The following FSHR variants were observed in gnomAD, a reference collection of about 807,000 sequenced individuals.
FSHR encodes follicle-stimulating hormone receptor.
FSHR carries 46 observed loss-of-function variants against 52.1 expected under a neutral mutation model. That is an observed-to-expected ratio of 0.88 (90% CI 0.70 to 1.13). The LOEUF (loss-of-function observed/expected upper bound fraction) is 1.13, where lower values mean the gene tolerates loss of function less well. Ranked by LOEUF, FSHR falls within the 50% of genes most tolerant of loss-of-function variation. The pLI is 0.00. For synonymous variants in FSHR, 399 were observed against 309.6 expected, an observed-to-expected ratio of 1.29 and a Z score of -3.03; for missense variants, 964 against 834.6, an observed-to-expected ratio of 1.16 and a Z score of -1.91.
chr2:49,090,724 C>G (rs1670573703), intron 1 of FSHR, among the ~76,000 whole-genome samples: 2 of 152,172 alleles, frequency 1.3e-5, no homozygotes, highest in Admixed American at 1.3e-4. Context: ...ACATTGGGTT[C>G]TCAGGAGGTA....
At chr2:49,145,290 TA>T (rs2103847847) in intron 1 of FSHR, among the ~76,000 whole-genome samples, 1 of 152,248 alleles carries the variant, frequency 6.6e-6, no homozygotes, top group South Asian at 2.1e-4. Context: ...TAGTCAAACT[TA>T]AATATTTGGA....
chr2:48,994,486 G>T (rs2104116814), intron 4 of FSHR, among the ~76,000 whole-genome samples: 1 of 152,244 alleles, frequency 6.6e-6, no homozygotes, highest in African/African-American at 2.4e-5. Flanking sequence ...CACTTAAAAA[G>T]ATCTAGTGAC....
chr2:49,016,518 C>T (rs1389442281), intron 4 of FSHR, among the ~76,000 whole-genome samples: 1 of 152,138 alleles, frequency 6.6e-6, no homozygotes, highest in East Asian at 1.9e-4. Flanking sequence ...AAATGAGTGC[C>T]TCTTAGAGGA....
chr2:49,027,080 A>T (rs1667933973), intron 2 of FSHR, among the ~76,000 whole-genome samples: 1 of 152,214 alleles, frequency 6.6e-6, no homozygotes. Context: ...TCTGTCTGAC[A>T]TCCCTACTGG....
intron 6 of FSHR, among the ~76,000 whole-genome samples, chr2:48,984,812 C>T (rs567971773): frequency 5.3e-5 from 8 of 152,138 alleles, no homozygotes; most frequent in African/African-American, 1.4e-4. Context: ...TCCTGTAAAT[C>T]GATGTTGCTA....
rs1674272742 is a variant in FSHR at position 48,962,575 on chromosome 2, C to T, written c.*158G>A. On this transcript the variant is annotated 3_prime_UTR_variant, in exon 10 of 10. Coordinates refer to ENST00000406846, the MANE Select transcript of FSHR (RefSeq NM_000145.4). Reference sequence around the variant, plus strand: ...AATAATTCAGCTTCCTAATGTATCACATGGAATTAATAGTTCCTGACCAAT... The same window carrying T: ...AATAATTCAGCTTCCTAATGTATCATATGGAATTAATAGTTCCTGACCAAT... The T allele has an allele frequency of 2.1e-5, 14 of 682,276 alleles. No homozygotes were observed. In the South Asian group the frequency reaches 2.6e-4, roughly 12 times the overall value. 42.3% of individuals were successfully genotyped at this position (682,276 alleles called of 1,614,324 possible).
intron 1 of FSHR, among the ~76,000 whole-genome samples, chr2:49,146,416 T>TC (rs1297123893): frequency 6.6e-6 from 1 of 152,018 alleles, no homozygotes; most frequent in Non-Finnish European, 1.5e-5. Context: ...CAGAGACCTG[T>TC]CCCCCTGTTT....
intron 3 of FSHR, among the ~76,000 whole-genome samples, chr2:49,019,444 T>C (rs1243089230): frequency 2.0e-5 from 3 of 152,142 alleles, no homozygotes; most frequent in Non-Finnish European, 4.4e-5. Flanking sequence ...GAAACAGAAG[T>C]GGATCTGTGT....
chr2:49,012,226 A>G (rs888454955), intron 4 of FSHR, among the ~76,000 whole-genome samples: 1 of 152,150 alleles, frequency 6.6e-6, no homozygotes, highest in African/African-American at 2.4e-5. Flanking sequence ...AGGCAAGAAA[A>G]TATTGTGTAA....
At chr2:49,081,215 A>G (rs907880279) in intron 1 of FSHR, among the ~76,000 whole-genome samples, 6 of 152,150 alleles carry the variant, frequency 3.9e-5, no homozygotes, top group Admixed American at 3.9e-4. Flanking sequence ...GAATAGTAAT[A>G]AAGACTAAAT....
chr2:49,020,009 C>A lies in FSHR; in HGVS notation c.299+77G>T, dbSNP rs1378633079. 7 of 1,221,160 alleles carry A rather than the reference C, an allele frequency of 5.7e-6. No homozygotes were observed. In the South Asian group the frequency reaches 8.4e-5, roughly 15 times the overall value. The allele number at this position is 1,221,160 out of a possible 1,614,324, so 75.6% of individuals were successfully genotyped here. On this transcript the variant is annotated intron_variant, in intron 3 of 9. Transcript: ENST00000406846. Reference sequence around the variant, plus strand: ...ATCTGAGGCCATGGCAGAATCAGGGCCTCCCAGGAATGTAGAAGAACTTTA... The same window carrying A: ...ATCTGAGGCCATGGCAGAATCAGGGACTCCCAGGAATGTAGAAGAACTTTA...
intron 1 of FSHR, among the ~76,000 whole-genome samples, chr2:49,083,370 G>A (rs535204938): frequency 3.5e-4 from 53 of 151,378 alleles, no homozygotes; most frequent in African/African-American, 1.0e-3. Context: ...AGGAACAACC[G>A]GTACCAGCCA....
At chr2:49,045,543 A>T (rs1668624935) in intron 2 of FSHR, among the ~76,000 whole-genome samples, 1 of 152,160 alleles carries the variant, frequency 6.6e-6, no homozygotes, top group Non-Finnish European at 1.5e-5. Flanking sequence ...TTTCAAGGGA[A>T]GGCAGACAGA....
chr2:49,125,936 TA>T (rs1418873437), intron 1 of FSHR, among the ~76,000 whole-genome samples: 2 of 152,206 alleles, frequency 1.3e-5, no homozygotes, highest in East Asian at 3.9e-4. Context: ...GAGCAGGGTC[TA>T]GAGGGCAAAC....
intron 2 of FSHR, among the ~76,000 whole-genome samples, chr2:49,031,215 A>G (rs1668090050): frequency 6.6e-6 from 1 of 152,202 alleles, no homozygotes; most frequent in Non-Finnish European, 1.5e-5. Context: ...AAGAGAAACC[A>G]GATCTCATTC....
chr2:49,020,990 G>A (rs145165174), intron 2 of FSHR, among the ~76,000 whole-genome samples: 2 of 152,178 alleles, frequency 1.3e-5, no homozygotes, highest in Non-Finnish European at 2.9e-5. Context: ...AATGCATGCT[G>A]GGCTTAATAC....
At chr2:49,097,953 TAA>T (rs60395378) in intron 1 of FSHR, among the ~76,000 whole-genome samples, 29,457 of 151,970 alleles carry the variant, frequency 0.19, 3,048 homozygotes, top group South Asian at 0.26. Context: ...AAATTTTTAT[TAA>T]GTTTTAAAAA....
intron 4 of FSHR, among the ~76,000 whole-genome samples, chr2:49,015,826 A>G (rs929634082): frequency 6.6e-6 from 1 of 152,174 alleles, no homozygotes; most frequent in Non-Finnish European, 1.5e-5. Context: ...CTCTTGTTTA[A>G]GCATTTCAAG....
At chr2:49,070,239 G>A (rs1052612711) in intron 1 of FSHR, among the ~76,000 whole-genome samples, 10 of 152,112 alleles carry the variant, frequency 6.6e-5, no homozygotes, top group African/African-American at 2.2e-4. Context: ...ATATTGTCAA[G>A]AGTAGATGAG....
Sources: allele counts gnomAD v4.1 joint callset (sites outside exome capture counted in the v4.1 genomes callset), GRCh38; gene constraint gnomAD v4.1.1; transcripts MANE v1.5; gene names NCBI Gene and HGNC (gene_info 2026-07-23, HGNC 2026-07-21).